Variants in CABIN1 observed in about 807,000 individuals in gnomAD.
The protein encoded by CABIN1 is calcineurin binding protein 1.
A neutral mutation model predicts 227.7 loss-of-function variants in CABIN1; 133 were observed. The observed-to-expected ratio is 0.58, with a 90% confidence interval of 0.51 to 0.67. The LOEUF is 0.67. Among genes scored for constraint, CABIN1 ranks in the 30% least tolerant of loss-of-function variants. The pLI is 0.00. For synonymous variants in CABIN1, 1,086 were observed against 1,155.1 expected, an observed-to-expected ratio of 0.94 and a Z score of 1.21; for missense variants, 2,408 against 2,852.5, an observed-to-expected ratio of 0.84 and a Z score of 3.55.
At chr22:24,163,936 G>A (rs1264761327) in intron 29 of CABIN1, among the ~76,000 whole-genome samples, 1 of 152,176 alleles carries the variant, frequency 6.6e-6, no homozygotes, top group Non-Finnish European at 1.5e-5. Flanking sequence ...TGATTCTCTG[G>A]GCACTGCTGG....
intron 28 of CABIN1, 73 bp from the exon 29 acceptor site, chr22:24,134,229 G>T (rs2044250278): frequency 9.4e-7 from 1 of 1,061,956 alleles, no homozygotes; most frequent in Admixed American, 1.9e-5. Flanking sequence ...GGAAGGAGGG[G>T]ACCGCCTGCC....
At chr22:24,082,395 T>C (rs1287065102) in intron 19 of CABIN1, among the ~76,000 whole-genome samples, 4 of 152,230 alleles carry the variant, frequency 2.6e-5, no homozygotes, top group Non-Finnish European at 5.9e-5. Flanking sequence ...CAGCCAGTAT[T>C]CACTTTTCTA....
chr22:24,177,529 A>G lies in CABIN1; in HGVS notation c.6231A>G (p.Arg2077=). The G allele has an allele frequency of 1.3e-6, 2 of 1,547,458 alleles. No individual in the cohort carries two copies. Among genetic ancestry groups the G allele is most frequent in the Non-Finnish European group, 1.7e-6 (2 of 1,144,664 alleles). ...SQEGKLRPEP[R]RDGEAQEAAS... ...AGGGGAAACTGAGGCCTGAGCCGAGAAGGGATGGGGAGGCTCAGGAGGCTG... is the reference window on the plus strand; with the variant it reads ...AGGGGAAACTGAGGCCTGAGCCGAGGAGGGATGGGGAGGCTCAGGAGGCTG... Residue 2077 remains arginine (R), a synonymous_variant, in exon 36 of 37, where the codon AGA becomes AGG. Transcript: ENST00000263119. This position sits in a 1 kb window ranked among gnomAD's most constrained non-coding sequence, Gnocchi z 4.4.
At chr22:24,139,439 G>T (rs964047916) in intron 29 of CABIN1, among the ~76,000 whole-genome samples, 2 of 152,118 alleles carry the variant, frequency 1.3e-5, no homozygotes, top group East Asian at 3.9e-4. Flanking sequence ...GGTGGTGCAT[G>T]CCTGTAGTCC....
At chr22:24,091,546 G>C in intron 23 of CABIN1, 37 bp from the exon 24 acceptor site, 1 of 1,613,962 alleles carries the variant, frequency 6.2e-7, no homozygotes. Flanking sequence ...GGCAGGTTCA[G>C]GCGTAAGGCC....
At chr22:24,173,927 G>T (rs2148802529) in intron 34 of CABIN1, among the ~76,000 whole-genome samples, 1 of 151,738 alleles carries the variant, frequency 6.6e-6, no homozygotes, top group South Asian at 2.1e-4. Context: ...TGGATAAGAT[G>T]AAGATAATAG....
intron 29 of CABIN1, among the ~76,000 whole-genome samples, chr22:24,157,423 T>G (rs2045900074): frequency 6.6e-6 from 1 of 152,196 alleles, no homozygotes; most frequent in African/African-American, 2.4e-5. Flanking sequence ...GGCCTGGCTC[T>G]GTCTGTGATG....
intron 28 of CABIN1, among the ~76,000 whole-genome samples, chr22:24,132,140 C>T (rs1439715157): frequency 6.6e-6 from 1 of 152,054 alleles, no homozygotes; most frequent in Non-Finnish European, 1.5e-5. Flanking sequence ...AGGATGGACA[C>T]CTGCCTGGGC....
At chr22:24,013,939 C>G (rs922158607) in intron 1 of CABIN1, among the ~76,000 whole-genome samples, 2 of 152,174 alleles carry the variant, frequency 1.3e-5, no homozygotes, top group African/African-American at 4.8e-5. Flanking sequence ...ATCTTTGTGT[C>G]TTTCTCAGTG....
At position 24,084,629 on chromosome 22, in the gene CABIN1, C is replaced by G; in HGVS notation, c.2961C>G (p.Pro987=). 1 of 1,614,132 alleles carries G rather than the reference C, an allele frequency of 6.2e-7. No individual in the cohort carries two copies. The highest frequency in any genetic ancestry group is 8.5e-7 in the Non-Finnish European group (1 of 1,180,028). Residue 987 remains proline (P), a synonymous_variant, in exon 21 of 37, where the codon CCC becomes CCG. Coordinates refer to ENST00000263119, the MANE Select transcript of CABIN1 (RefSeq NM_012295.4). ...TGTTCATGTTTGAGTATTTTAAGCCCAAGACCCTTCCTGAATTTGACAGCT... is the reference window on the plus strand; with the variant it reads ...TGTTCATGTTTGAGTATTTTAAGCCGAAGACCCTTCCTGAATTTGACAGCT... ...DALFMFEYFK[P]KTLPEFDSYK...
Position 24,061,971 on chromosome 22 carries a change from TG to T in CABIN1, c.1643del (p.Cys548SerfsTer11). 6.2e-7 allele frequency: 1 copy of T among 1,614,080 alleles called. No individual in the cohort carries two copies. Among genetic ancestry groups the T allele is most frequent in the African/African-American group, 1.3e-5 (1 of 75,070 alleles). On this transcript the variant is annotated frameshift_variant, in exon 13 of 37. Coordinates refer to ENST00000263119, the MANE Select transcript of CABIN1 (RefSeq NM_012295.4). LOFTEE classifies it high-confidence loss of function. Reference protein sequence around the residue: ...IKDMMLMSLSCMELQLDQWLL... With the variant: ...IKDMMLMSLSXMELQLDQWLL... ...GGACATGATGCTGATGTCTCTCTCCTGCATGGAACTCCAGCTGGACCAGTGG... is the reference window on the plus strand; with the variant it reads ...GGACATGATGCTGATGTCTCTCTCCTCATGGAACTCCAGCTGGACCAGTGG...
rs2040935808 is a variant in CABIN1 at position 24,083,304 on chromosome 22, C to T, written c.2825C>T (p.Ala942Val). 6.2e-7 allele frequency: 1 copy of T among 1,613,652 alleles called. No homozygotes were observed. The highest frequency in any genetic ancestry group is 8.5e-7 in the Non-Finnish European group (1 of 1,179,992). ...THPYKEELET[A>V]LEQCFYCLYS... Reference sequence around the variant, plus strand: ...CCTTACAAGGAGGAGCTGGAGACAGCCTTGGAGCAGTGCTTCTACTGCCTG... The same window carrying T: ...CCTTACAAGGAGGAGCTGGAGACAGTCTTGGAGCAGTGCTTCTACTGCCTG... The change falls in exon 20 of 37, where the codon GCC becomes GTC. Residue 942 changes from alanine (A) to valine (V), a missense_variant. By Grantham distance (64) the Ala-to-Val change is moderately conservative. Transcript: ENST00000263119.
intron 10 of CABIN1, chr22:24,056,573 G>C (rs1569138613): frequency 1.7e-6 from 1 of 584,722 alleles, no homozygotes; most frequent in Non-Finnish European, 3.0e-6. Context: ...CTGAAGTCAG[G>C]AGCTGTGACT....
In CABIN1 at chr22:24,116,113, G is replaced by A. The variant is rs1470902967; in HGVS notation, c.4300+2365G>A. 2.0e-5 allele frequency among the ~76,000 whole-genome samples: 3 copies of A among 152,188 alleles called. No individual in the cohort carries two copies. The East Asian group carries it at 5.8e-4, about 29-fold the overall frequency. On this transcript the variant is annotated intron_variant, in intron 27 of 36. Coordinates refer to ENST00000263119, the MANE Select transcript of CABIN1 (RefSeq NM_012295.4). ...TCTCCACTCTGGCCTTGACCGAGGTGCCTTGAGGAAAGAGCCTTTCCCAGA... is the reference window on the plus strand; with the variant it reads ...TCTCCACTCTGGCCTTGACCGAGGTACCTTGAGGAAAGAGCCTTTCCCAGA...
At chr22:24,095,166 G>T (rs1429701530) in intron 24 of CABIN1, among the ~76,000 whole-genome samples, 3 of 152,232 alleles carry the variant, frequency 2.0e-5, no homozygotes, top group African/African-American at 4.8e-5. Flanking sequence ...CTGGGTGAGG[G>T]GGGCCACTTA....
chr22:24,106,576 C>T (rs2042531975), intron 26 of CABIN1, among the ~76,000 whole-genome samples: 1 of 152,258 alleles, frequency 6.6e-6, no homozygotes, highest in Admixed American at 6.5e-5. Flanking sequence ...AGCCCCTGGG[C>T]TGTCCCATCC....
intron 15 of CABIN1, among the ~76,000 whole-genome samples, chr22:24,064,884 A>G (rs1601869716): frequency 6.6e-6 from 1 of 152,132 alleles, no homozygotes; most frequent in Admixed American, 6.5e-5. Context: ...TTCTTAGTAC[A>G]GAACAAAATG....
intron 6 of CABIN1, among the ~76,000 whole-genome samples, chr22:24,044,305 G>C (rs940354529): frequency 6.6e-6 from 1 of 152,014 alleles, no homozygotes; most frequent in Non-Finnish European, 1.5e-5. Context: ...ATATATTCTT[G>C]ACTTTCTTTC....
intron 10 of CABIN1, 48 bp from the exon 11 acceptor site, chr22:24,059,179 T>C: frequency 6.2e-7 from 1 of 1,607,414 alleles, no homozygotes; most frequent in Non-Finnish European, 8.5e-7. Context: ...CAGATGCTTG[T>C]GTCAGAACGT....
Sources: gnomAD v4.1 joint callset for allele counts (sites outside exome capture counted in the v4.1 genomes callset) on GRCh38, gnomAD v4.1.1 for gene constraint, Gnocchi (gnomAD v3.1) non-coding constraint, MANE v1.5 for transcripts, NCBI Gene and HGNC (gene_info 2026-07-23, HGNC 2026-07-21) for gene names.